The following NBEA variants were observed in gnomAD, a reference collection of about 807,000 sequenced individuals.
The protein encoded by NBEA is lysosomal-trafficking regulator 2.
Under a neutral mutation model 343.4 loss-of-function variants are expected in NBEA, and 44 were observed. The observed-to-expected ratio is 0.13, with a 90% CI of 0.10 to 0.16. NBEA has a LOEUF of 0.16. Among genes scored for constraint, NBEA ranks in the 10% least tolerant of loss-of-function variants. The pLI is 1.00. For missense variants in NBEA, 2,555 were observed against 3,631.3 expected (o/e 0.70, Z 7.62); for synonymous variants, 1,175 against 1,238.7 (o/e 0.95, Z 1.08).
At chr13:35,207,981 G>A (rs2152750280) in intron 31 of NBEA, among the ~76,000 whole-genome samples, 1 of 152,248 alleles carries the variant, frequency 6.6e-6, no homozygotes, top group African/African-American at 2.4e-5. Context: ...AGCACTTTGG[G>A]AGGCCAAGTG....
At chr13:34,948,185 T>C (rs1404281107) in intron 1 of NBEA, among the ~76,000 whole-genome samples, 1 of 152,202 alleles carries the variant, frequency 6.6e-6, no homozygotes, top group Non-Finnish European at 1.5e-5. Context: ...CAGTTTTCCT[T>C]TGATGACTCA....
intron 41 of NBEA, among the ~76,000 whole-genome samples, chr13:35,503,868 G>A (rs1055058782): frequency 1.3e-4 from 20 of 151,970 alleles, no homozygotes; most frequent in African/African-American, 1.9e-4. Context: ...CTATTTCTTC[G>A]TGCTCTATAG....
intron 10 of NBEA, among the ~76,000 whole-genome samples, chr13:35,092,052 G>A (rs1372891476): frequency 3.9e-5 from 6 of 151,934 alleles, no homozygotes; most frequent in African/African-American, 9.7e-5. Context: ...AATGAAGACC[G>A]AGTAATATTA....
At chr13:35,258,012 T>G (rs1211133130) in intron 34 of NBEA, among the ~76,000 whole-genome samples, 2 of 152,114 alleles carry the variant, frequency 1.3e-5, no homozygotes, top group Non-Finnish European at 2.9e-5. Flanking sequence ...ATTATTTTTA[T>G]TTGTAATGAA....
intron 34 of NBEA, among the ~76,000 whole-genome samples, chr13:35,288,211 G>A (rs2035569114): frequency 6.6e-6 from 1 of 151,858 alleles, no homozygotes; most frequent in South Asian, 2.1e-4. Context: ...TCAGTCAGTG[G>A]TTGTATTTTC....
In NBEA at chr13:35,261,304, G is replaced by A. The variant is rs1377354581; in HGVS notation, c.5776+28685G>A. Among the ~76,000 whole-genome samples the A allele has an allele frequency of 3.3e-5, 5 of 152,232 alleles. No individual in the cohort carries two copies. The South Asian group carries it at 6.2e-4, about 19-fold the overall frequency. ...GAGGCGGGTGGATCACCTAGGTAAG[G>A]AGTTCGAGACCAGCCTGGCCAACAT... On this transcript the variant is annotated intron_variant, in intron 34 of 58. Transcript: ENST00000379939.
chr13:35,550,390 T>C (rs1489701372), intron 41 of NBEA, 87 bp from the exon 42 acceptor site: 1 of 714,966 alleles, frequency 1.4e-6, no homozygotes, highest in Non-Finnish European at 2.3e-6. Flanking sequence ...CATTTCTAGT[T>C]TTCTGACTTT....
At chr13:35,311,102 A>G (rs1239982716) in intron 36 of NBEA, among the ~76,000 whole-genome samples, 1 of 152,148 alleles carries the variant, frequency 6.6e-6, no homozygotes, top group Admixed American at 6.6e-5. Flanking sequence ...GGAAAATATC[A>G]GTTTTCTTTT....
intron 3 of NBEA, 90 bp downstream of exon 3, chr13:35,045,137 A>G: frequency 2.4e-6 from 3 of 1,254,270 alleles, no homozygotes; most frequent in Non-Finnish European, 3.3e-6. Flanking sequence ...ATATACTTGA[A>G]TTTATAATGG....
intron 41 of NBEA, among the ~76,000 whole-genome samples, chr13:35,546,276 T>G (rs2079053521): frequency 6.6e-6 from 1 of 152,086 alleles, no homozygotes; most frequent in South Asian, 2.1e-4. Flanking sequence ...ACCAGCCTGG[T>G]CAATGTGGCA....
chr13:35,528,270 AC>A lies in NBEA; in HGVS notation c.6586-22206del, dbSNP rs1425602183. On this transcript the variant is annotated intron_variant, in intron 41 of 58. Coordinates refer to ENST00000379939, the MANE Select transcript of NBEA (RefSeq NM_001385012.1). The stretch of plus-strand genomic sequence containing the variant: ...CATCATCAAGAAAATCTGTAATCAA[AC>A]TCTGTTTGTCTTTTTTTGTTCTCTT... Among the ~76,000 whole-genome samples the A allele has an allele frequency of 5.3e-5, 8 of 152,266 alleles. No individual in the cohort carries two copies. In the South Asian group the frequency reaches 8.3e-4, roughly 16 times the overall value.
At chr13:35,191,265 T>C (rs1192789471) in intron 30 of NBEA, among the ~76,000 whole-genome samples, 1 of 152,064 alleles carries the variant, frequency 6.6e-6, no homozygotes, top group Non-Finnish European at 1.5e-5. Context: ...TCCCTACAGT[T>C]GATGAAAATC....
intron 1 of NBEA, among the ~76,000 whole-genome samples, chr13:34,971,852 C>T (rs2060006991): frequency 6.6e-6 from 1 of 151,386 alleles, no homozygotes; most frequent in African/African-American, 2.4e-5. Context: ...TGATGCTGGC[C>T]TCATAGAATG....
chr13:34,996,139 C>G lies in NBEA; in HGVS notation c.295-44794C>G, dbSNP rs1319420892. On this transcript the variant is annotated intron_variant, in intron 1 of 58. Coordinates refer to ENST00000379939, the MANE Select transcript of NBEA (RefSeq NM_001385012.1). ...AATCTAGTAGATTTGCTATATAATA[C>G]CATCTTGAATGTGCAAATTACAACC... Among the ~76,000 whole-genome samples, 6 of 152,104 alleles carry G rather than the reference C, an allele frequency of 3.9e-5. 1 individual carries two copies. The highest frequency in any genetic ancestry group is 3.9e-4 in the Admixed American group (6 of 15,260).
At chr13:35,218,714 G>C (rs536693558) in intron 33 of NBEA, among the ~76,000 whole-genome samples, 1 of 151,988 alleles carries the variant, frequency 6.6e-6, no homozygotes, top group East Asian at 1.9e-4. Flanking sequence ...CATGACGTAT[G>C]TTGAAGTTTA....
chr13:35,432,437 G>T, intron 39 of NBEA, 44 bp downstream of exon 39: 1 of 1,505,542 alleles, frequency 6.6e-7, no homozygotes. Context: ...CTGGATGTGA[G>T]GTGACTCCTT....
intron 20 of NBEA, 28 bp downstream of exon 20, chr13:35,156,234 CT>C: frequency 6.6e-7 from 1 of 1,509,774 alleles, no homozygotes; most frequent in Non-Finnish European, 8.9e-7. Context: ...TGTAACAACA[CT>C]TTATTCCATA....
At chr13:35,465,568 A>G (rs1400394633) in intron 40 of NBEA, among the ~76,000 whole-genome samples, 5 of 152,184 alleles carry the variant, frequency 3.3e-5, no homozygotes, top group Non-Finnish European at 7.4e-5. Context: ...AAAAGAGTCA[A>G]TACTCTTCCA....
At chr13:35,197,295 G>A (rs1792031300) in intron 31 of NBEA, among the ~76,000 whole-genome samples, 1 of 152,044 alleles carries the variant, frequency 6.6e-6, no homozygotes, top group South Asian at 2.1e-4. Flanking sequence ...TTATGTATAT[G>A]TATGAGGTGA....
Sources: allele counts gnomAD v4.1 joint callset (sites outside exome capture counted in the v4.1 genomes callset), GRCh38; gene constraint gnomAD v4.1.1; transcripts MANE v1.5; gene names NCBI Gene and HGNC (gene_info 2026-07-23, HGNC 2026-07-21).